Variants in MYH11 observed in about 807,000 individuals in gnomAD.
MYH11 encodes the protein myosin-11.
Under a neutral mutation model 246.6 loss-of-function variants are expected in MYH11, and 80 were observed. That is an observed-to-expected ratio of 0.32 (90% confidence interval 0.27 to 0.39). The LOEUF is 0.39. MYH11 is among the 10% of genes least tolerant of loss of function. MYH11 has a pLI of 1.00. For synonymous variants in MYH11, 1,071 were observed against 1,015.5 expected (o/e 1.05, Z -1.04); for missense variants, 2,158 against 2,546.8 (o/e 0.85, Z 3.29).
At chr16:15,724,862 C>A (rs772124433) in intron 29 of MYH11, 26 bp downstream of exon 29, 40 of 1,613,782 alleles carry the variant, frequency 2.5e-5, no homozygotes, top group African/African-American at 1.2e-4. Flanking sequence ...CCCCAGGTCC[C>A]CTGGATGATG....
chr16:15,706,912 CTGTTT>C (rs1257626558), intron 40 of MYH11, among the ~76,000 whole-genome samples: 1 of 152,084 alleles, frequency 6.6e-6, no homozygotes, highest in Non-Finnish European at 1.5e-5. Context: ...GCAAGATACT[CTGTTT>C]TGGCTGAAGT....
In MYH11 at chr16:15,753,620, A is replaced by G. The variant is rs150497079; in HGVS notation, c.1750-112T>C. ...TCCAGATCTTCTGAGGTCAGAGAGG[A>G]AATGACGTTTATGACCACCATGATG... On this transcript the variant is annotated intron_variant, in intron 14 of 40. Coordinates refer to ENST00000300036, the MANE Select transcript of MYH11 (RefSeq NM_002474.3). The G allele has an allele frequency of 7.7e-5, 65 of 843,304 alleles. No individual in the cohort carries two copies. The East Asian group carries it at 1.6e-3, about 21-fold the overall frequency. 52.2% of individuals were successfully genotyped at this position (843,304 alleles called of 1,614,324 possible).
At chr16:15,748,508 C>T (rs1162351856) in intron 16 of MYH11, among the ~76,000 whole-genome samples, 1 of 152,198 alleles carries the variant, frequency 6.6e-6, no homozygotes, top group Non-Finnish European at 1.5e-5. Context: ...TCCCAACCCC[C>T]CCACTTCTCT....
intron 23 of MYH11, among the ~76,000 whole-genome samples, chr16:15,739,183 TCTGCCTCCCACGTTCAAGTGATTCTC>T (rs2041204685): frequency 6.6e-6 from 1 of 151,804 alleles, no homozygotes; most frequent in Non-Finnish European, 1.5e-5. Flanking sequence ...CACTGCAACC[TCTGCCTCCCACGTTCAAGTGATTCTC>T]CTGCCTCAGC....
intron 8 of MYH11, 52 bp from the exon 9 acceptor site, chr16:15,771,764 A>G: frequency 6.2e-7 from 1 of 1,605,434 alleles, no homozygotes; most frequent in Non-Finnish European, 8.5e-7. Flanking sequence ...TTCTAATTTC[A>G]ACATGAGACC....
At chr16:15,752,843 C>T (rs1376548923) in intron 15 of MYH11, among the ~76,000 whole-genome samples, 1 of 152,166 alleles carries the variant, frequency 6.6e-6, no homozygotes, top group African/African-American at 2.4e-5. Context: ...TGCACCACCG[C>T]CCTCCAGCCT....
intron 3 of MYH11, among the ~76,000 whole-genome samples, chr16:15,811,156 G>A (rs554129424): frequency 6.6e-6 from 1 of 152,276 alleles, no homozygotes; most frequent in African/African-American, 2.4e-5. Flanking sequence ...CGAGAAGGCA[G>A]CACTAGGCCC....
At position 15,823,259 on chromosome 16, in the gene MYH11, AAG is replaced by A; in HGVS notation, c.496_497del (p.Leu166SerfsTer96). On this transcript the variant is annotated frameshift_variant, in exon 3 of 41. Transcript: ENST00000300036. LOFTEE classifies it high-confidence loss of function. ...AIADTAYRSM[L>X]QDREDQSILC... ...TGCAGCCCTGAGTTCACTCACCTTG[AAG>A]CATGCTCCGGTAGGCCGTGTCTGCG... 1 of 1,614,168 alleles carries A rather than the reference AAG, an allele frequency of 6.2e-7. No individual in the cohort carries two copies.
intron 31 of MYH11, 76 bp downstream of exon 31, chr16:15,724,085 A>C: frequency 6.2e-7 from 1 of 1,603,566 alleles, no homozygotes; most frequent in East Asian, 2.2e-5. Context: ...GGCCAGAGCC[A>C]CGCGTCATAC....
intron 40 of MYH11, among the ~76,000 whole-genome samples, chr16:15,709,257 C>G (rs1450917598): frequency 6.6e-6 from 1 of 151,710 alleles, no homozygotes; most frequent in Non-Finnish European, 1.5e-5. Context: ...ATTAAAAGCA[C>G]CCTTAAGTCA....
rs1407581586 is a variant in MYH11 at position 15,703,170 on chromosome 16, T to C, written c.*821A>G. ...TAACCATTTATTAGTGAAAGTGTTTTTAAGCACAGTCAGGGTGTAAACAGT... is the reference window on the plus strand; with the variant it reads ...TAACCATTTATTAGTGAAAGTGTTTCTAAGCACAGTCAGGGTGTAAACAGT... On this transcript the variant is annotated 3_prime_UTR_variant, in exon 41 of 41. Coordinates refer to ENST00000300036, the MANE Select transcript of MYH11 (RefSeq NM_002474.3). The C allele has an allele frequency of 1.0e-5, 2 of 194,674 alleles. No homozygotes were observed. The highest frequency in any genetic ancestry group is 2.3e-5 in the African/African-American group (1 of 43,148). The allele number at this position is 194,674 out of a possible 1,614,324, so 12.1% of individuals were successfully genotyped here.
At chr16:15,770,857 G>A (rs1281239775) in intron 9 of MYH11, among the ~76,000 whole-genome samples, 1 of 152,084 alleles carries the variant, frequency 6.6e-6, no homozygotes, top group Non-Finnish European at 1.5e-5. Flanking sequence ...TATAAGGGCT[G>A]GAACCCAGCT....
chr16:15,763,741 T>TGGGGGCCCCCCCCCCCCC, intron 10 of MYH11, 55 bp downstream of exon 10: 8 of 646,830 alleles, frequency 1.2e-5, no homozygotes, highest in Non-Finnish European at 1.7e-5. Flanking sequence ...AAATGTCACC[T>TGGGGGCCCCCCCCCCCCC]CCCCCACCCC....
chr16:15,837,919 C>T lies in MYH11; in HGVS notation c.334G>A (p.Gly112Arg). The T allele has an allele frequency of 6.2e-7, 1 of 1,614,058 alleles. No individual in the cohort carries two copies. The highest frequency in any genetic ancestry group is 8.5e-7 in the Non-Finnish European group (1 of 1,179,956). The change falls in exon 2 of 41, where the codon GGG (glycine) becomes AGG (arginine). Residue 112 changes from glycine to arginine, a missense_variant. Coordinates refer to ENST00000300036, the MANE Select transcript of MYH11 (RefSeq NM_002474.3). ...CCTGCAATACTCACATATATTAGCC[C>T]TGAGAAGTACCGCTCCCTCAGGTTG... Reference protein sequence around the residue: ...LHNLRERYFSGLIYTYSGLFC... With the variant: ...LHNLRERYFSRLIYTYSGLFC...
At chr16:15,782,508 AAAGCAACC>A (rs777137698) in intron 5 of MYH11, 31 bp from the exon 6 acceptor site, 10 of 1,577,872 alleles carry the variant, frequency 6.3e-6, no homozygotes, top group Non-Finnish European at 7.0e-6. Flanking sequence ...GTTATTGGAG[AAAGCAACC>A]TAGGTCCTGA....
chr16:15,797,404 G>A (rs890559865), intron 4 of MYH11, among the ~76,000 whole-genome samples: 2 of 151,800 alleles, frequency 1.3e-5, no homozygotes, highest in African/African-American at 4.8e-5. Context: ...TCCACTCAAC[G>A]GTATTATCTA....
chr16:15,823,832 G>T (rs930270541), intron 2 of MYH11, among the ~76,000 whole-genome samples: 1 of 152,094 alleles, frequency 6.6e-6, no homozygotes, highest in Non-Finnish European at 1.5e-5. Context: ...TCACTGTGTT[G>T]CTCAGGCTGG....
At chr16:15,820,941 C>T (rs1462227435) in intron 3 of MYH11, among the ~76,000 whole-genome samples, 1 of 152,162 alleles carries the variant, frequency 6.6e-6, no homozygotes, top group Non-Finnish European at 1.5e-5. Context: ...GGCGTGATCT[C>T]GGCTCACTGC....
At chr16:15,826,997 A>C (rs1469659002) in intron 2 of MYH11, among the ~76,000 whole-genome samples, 2 of 58,296 alleles carry the variant, frequency 3.4e-5, no homozygotes, top group African/African-American at 4.4e-4. Context: ...AACCCATCTC[A>C]AAAAAAAAAA....
Sources: allele counts gnomAD v4.1 joint callset (sites outside exome capture counted in the v4.1 genomes callset), GRCh38; gene constraint gnomAD v4.1.1; transcripts MANE v1.5; gene names NCBI Gene and HGNC (gene_info 2026-07-23, HGNC 2026-07-21).